The following INVS variants were observed in gnomAD, a reference collection of about 807,000 sequenced individuals.
INVS encodes the protein inversion of embryo turning homolog.
A neutral mutation model predicts 108.8 loss-of-function variants in INVS; 86 were observed. The observed-to-expected ratio is 0.79, with a 90% CI of 0.66 to 0.95. The LOEUF (loss-of-function observed/expected upper bound fraction) is 0.95, where lower values mean the gene tolerates loss of function less well. Ranked by LOEUF, INVS falls within the 40% of genes least tolerant of loss-of-function variation. The pLI, the probability that INVS is intolerant of heterozygous loss-of-function variation, is 0.00. For synonymous variants in INVS, 455 were observed against 473.5 expected (o/e 0.96, Z 0.51); for missense variants, 1,169 against 1,297.4 (o/e 0.90, Z 1.52).
intron 5 of INVS, among the ~76,000 whole-genome samples, chr9:100,230,710 G>A (rs1188817691): frequency 6.6e-6 from 1 of 152,000 alleles, no homozygotes; most frequent in Admixed American, 6.6e-5. Flanking sequence ...GTAGAGACCG[G>A]GTTTCACCAT....
intron 3 of INVS, among the ~76,000 whole-genome samples, chr9:100,132,608 A>C (rs1190830792): frequency 6.6e-6 from 1 of 152,226 alleles, no homozygotes; most frequent in Admixed American, 6.5e-5. Context: ...GTAGGTGCAA[A>C]CATCAAATTA....
At position 100,184,116 on chromosome 9, in the gene INVS, A is replaced by G. The variant is rs185442397; in HGVS notation, c.274-41946A>G. 3.1e-3 allele frequency among the ~76,000 whole-genome samples: 467 copies of G among 152,272 alleles called. 2 individuals carry two copies. Among genetic ancestry groups the G allele is most frequent in the Non-Finnish European group, 4.5e-3 (308 of 68,018 alleles). ...GGAGGAAATACTAAAATAATAATGCAATGAAGTATCGCTTTTTTTAATTCA... is the reference window on the plus strand; with the variant it reads ...GGAGGAAATACTAAAATAATAATGCGATGAAGTATCGCTTTTTTTAATTCA... On this transcript the variant is annotated intron_variant, in intron 3 of 16. Transcript: ENST00000262457.
intron 10 of INVS, among the ~76,000 whole-genome samples, chr9:100,264,505 C>G (rs1224997023): frequency 1.3e-5 from 2 of 151,938 alleles, no homozygotes; most frequent in South Asian, 2.1e-4. Context: ...GTAATCCCAG[C>G]TACTTGGGAG....
chr9:100,285,733 A>C (rs1833420888), intron 13 of INVS, among the ~76,000 whole-genome samples: 2 of 152,224 alleles, frequency 1.3e-5, no homozygotes, highest in South Asian at 4.1e-4. Context: ...GTTGACAAAG[A>C]AAGCTCACAT....
intron 3 of INVS, among the ~76,000 whole-genome samples, chr9:100,207,036 T>C (rs1830694372): frequency 1.3e-5 from 2 of 152,232 alleles, no homozygotes; most frequent in South Asian, 4.1e-4. Context: ...GTCCCAGTAA[T>C]GGTGTTAATT....
At chr9:100,294,138 A>G (rs1026081253) in intron 14 of INVS, among the ~76,000 whole-genome samples, 5 of 152,218 alleles carry the variant, frequency 3.3e-5, no homozygotes, top group African/African-American at 1.2e-4. Flanking sequence ...ACAGAACTCC[A>G]GCCTGGGCGA....
chr9:100,122,184 C>T (rs1243012156), intron 2 of INVS, among the ~76,000 whole-genome samples: 1 of 152,108 alleles, frequency 6.6e-6, no homozygotes, highest in East Asian at 1.9e-4. Flanking sequence ...CCAGTTGGAT[C>T]CTGTTGCTTT....
Position 100,111,178 on chromosome 9 carries a change from A to G in INVS, c.106+6551A>G, listed in dbSNP as rs78316848. Among the ~76,000 whole-genome samples, 1,316 of 152,374 alleles carry G rather than the reference A, an allele frequency of 8.6e-3. 16 individuals carry two copies. Among genetic ancestry groups the G allele is most frequent in the African/African-American group, 0.03 (1,253 of 41,584 alleles). On this transcript the variant is annotated intron_variant, in intron 2 of 16. Transcript: ENST00000262457. ...ATCAGATGAAATAAATACATCTTGG[A>G]TGCCATGCAAATATAACATTTTAGA...
chr9:100,210,322 G>A (rs1163866482), intron 3 of INVS, among the ~76,000 whole-genome samples: 1 of 152,218 alleles, frequency 6.6e-6, no homozygotes, highest in African/African-American at 2.4e-5. Flanking sequence ...ATGCATATAG[G>A]AGGAGCTTAT....
intron 11 of INVS, among the ~76,000 whole-genome samples, chr9:100,272,205 A>G (rs1049004427): frequency 1.3e-5 from 2 of 152,092 alleles, no homozygotes; most frequent in African/African-American, 4.8e-5. Flanking sequence ...TTTTTTTAGA[A>G]AAGACTTCCA....
chr9:100,259,874 TC>T (rs1588129050), intron 10 of INVS, among the ~76,000 whole-genome samples: 3 of 151,766 alleles, frequency 2.0e-5, no homozygotes, highest in African/African-American at 7.3e-5. Context: ...TCTTTTCTTT[TC>T]TTTTTTTGTT....
chr9:100,275,740 T>C (rs1051783725), intron 12 of INVS, among the ~76,000 whole-genome samples: 6 of 152,228 alleles, frequency 3.9e-5, no homozygotes, highest in African/African-American at 1.4e-4. Context: ...TAAAGTGATT[T>C]CTAATTTACT....
intron 3 of INVS, among the ~76,000 whole-genome samples, chr9:100,182,818 A>T (rs1425428495): frequency 2.7e-4 from 41 of 152,296 alleles, no homozygotes; most frequent in Admixed American, 2.2e-3. Context: ...TACGATAAAG[A>T]CACATGCACA....
At chr9:100,150,670 C>T in intron 3 of INVS, among the ~76,000 whole-genome samples, 1 of 152,184 alleles carries the variant, frequency 6.6e-6, no homozygotes, top group Non-Finnish European at 1.5e-5. Flanking sequence ...GTAATTTCCT[C>T]TTCTTGTTTT....
chr9:100,256,763 G>A (rs1179815376), intron 10 of INVS, among the ~76,000 whole-genome samples: 1 of 152,200 alleles, frequency 6.6e-6, no homozygotes, highest in Non-Finnish European at 1.5e-5. Context: ...TAATTTGATT[G>A]CACTGTGGTC....
At chr9:100,222,982 C>G (rs1200017527) in intron 3 of INVS, among the ~76,000 whole-genome samples, 1 of 151,754 alleles carries the variant, frequency 6.6e-6, no homozygotes, top group African/African-American at 2.4e-5. Flanking sequence ...AAAAATGAAA[C>G]ATTAAAAAGT....
At chr9:100,120,711 G>A (rs1353358221) in intron 2 of INVS, 1 of 152,212 alleles carries the variant, frequency 6.6e-6, no homozygotes, top group East Asian at 1.9e-4. Flanking sequence ...CTATCTTGTT[G>A]TTGGGGTGAA....
At chr9:100,152,832 T>G (rs371452031) in intron 3 of INVS, among the ~76,000 whole-genome samples, 2 of 152,222 alleles carry the variant, frequency 1.3e-5, no homozygotes, top group Non-Finnish European at 2.9e-5. Context: ...TCAGAAGATA[T>G]GGTTTGGGTC....
intron 2 of INVS, among the ~76,000 whole-genome samples, chr9:100,126,079 G>T (rs765028377): frequency 2.6e-5 from 4 of 152,210 alleles, no homozygotes; most frequent in Non-Finnish European, 5.9e-5. Context: ...ACAAGAGTGA[G>T]TGAGGGAGGA....
Sources: allele counts gnomAD v4.1 joint callset (sites outside exome capture counted in the v4.1 genomes callset), GRCh38; gene constraint gnomAD v4.1.1; transcripts MANE v1.5; gene names NCBI Gene and HGNC (gene_info 2026-07-23, HGNC 2026-07-21).